AGAP1: variants seen among roughly 807,000 people sequenced by gnomAD.
The protein encoded by AGAP1 is arf-GAP with GTPase, ANK repeat and PH domain-containing protein 1.
In AGAP1, 29 loss-of-function variants were observed where a neutral mutation model predicts 105.3. The observed-to-expected ratio is 0.28, with a 90% CI of 0.21 to 0.38. The LOEUF (loss-of-function observed/expected upper bound fraction) is 0.38. Ranked by LOEUF, AGAP1 falls within the 10% of genes least tolerant of loss-of-function variation. The pLI is 1.00. For synonymous variants in AGAP1, 509 were observed against 485.9 expected (o/e 1.05, Z -0.63); for missense variants, 998 against 1,165.1 (o/e 0.86, Z 2.09).
chr2:235,581,792 G>A (rs930729993), intron 1 of AGAP1, among the ~76,000 whole-genome samples: 2 of 152,070 alleles, frequency 1.3e-5, no homozygotes, highest in Non-Finnish European at 2.9e-5. Context: ...GCAACAGAGC[G>A]AGATTCCATC....
At chr2:235,809,843 T>G (rs191677538) in intron 9 of AGAP1, among the ~76,000 whole-genome samples, 118 of 152,276 alleles carry the variant, frequency 7.7e-4, no homozygotes, top group South Asian at 1.2e-3. Context: ...CTCAACCAAA[T>G]TATTTGTTGA....
chr2:235,699,437 A>G (rs1950152945), intron 1 of AGAP1, among the ~76,000 whole-genome samples: 1 of 152,068 alleles, frequency 6.6e-6, no homozygotes, highest in Non-Finnish European at 1.5e-5. Flanking sequence ...TATATACTAG[A>G]AGTTGAATTG....
intron 6 of AGAP1, chr2:235,773,780 C>A: frequency 2.7e-6 from 1 of 368,948 alleles, no homozygotes; most frequent in Non-Finnish European, 5.4e-6. Context: ...TTCGGAGAAT[C>A]ACAGTTTATC....
In AGAP1 at chr2:235,705,526, C is replaced by T. The variant is rs542757109; in HGVS notation, c.164-3653C>T. On this transcript the variant is annotated intron_variant, in intron 1 of 17. Coordinates refer to ENST00000304032, the MANE Select transcript of AGAP1 (RefSeq NM_001037131.3). The surrounding 1 kb of genome is among the most constrained non-coding windows in gnomAD (Gnocchi z 4.9). ...AGTGATGAACAATTCCACGCCAGCA[C>T]AGTGTCCAGCCCACAGATAGGTCCC... Among the ~76,000 whole-genome samples, 13 of 152,356 alleles carry T rather than the reference C, an allele frequency of 8.5e-5. No homozygotes were observed. The highest frequency in any genetic ancestry group is 3.1e-4 in the African/African-American group (13 of 41,592).
rs73118077 is a variant in AGAP1 at position 235,999,828 on chromosome 2, A to G, written c.1645+31205A>G. ...GATGCTTCCCTGAATGTTGGGGGTCAGGTCTGAGATGTGTCAAGCGGGGCA... is the reference window on the plus strand; with the variant it reads ...GATGCTTCCCTGAATGTTGGGGGTCGGGTCTGAGATGTGTCAAGCGGGGCA... On this transcript the variant is annotated intron_variant, in intron 13 of 17. Transcript: ENST00000304032. Among the ~76,000 whole-genome samples, 1,447 of 152,164 alleles carry G rather than the reference A, an allele frequency of 9.5e-3. 31 individuals are homozygous for G. The highest frequency in any genetic ancestry group is 0.033 in the African/African-American group (1,377 of 41,474).
At chr2:235,899,768 G>A (rs982403022) in intron 10 of AGAP1, among the ~76,000 whole-genome samples, 5 of 151,792 alleles carry the variant, frequency 3.3e-5, no homozygotes, top group African/African-American at 1.2e-4. Flanking sequence ...TGACTGTGTA[G>A]AGACAAGCAG....
intron 1 of AGAP1, among the ~76,000 whole-genome samples, chr2:235,518,518 CA>C (rs1055934871): frequency 5.9e-5 from 9 of 152,176 alleles, no homozygotes; most frequent in African/African-American, 2.2e-4. Context: ...CTGTTTCTGA[CA>C]AAGAGCCAGG....
At position 236,087,415 on chromosome 2, in the gene AGAP1, AC is replaced by A. The variant is rs1247033195; in HGVS notation, c.2115-32775del. Among the ~76,000 whole-genome samples the A allele has an allele frequency of 6.6e-6, 1 of 152,108 alleles. No individual in the cohort carries two copies. The highest frequency in any genetic ancestry group is 2.4e-5 in the African/African-American group (1 of 41,408). On this transcript the variant is annotated intron_variant, in intron 16 of 17. Coordinates refer to ENST00000304032, the MANE Select transcript of AGAP1 (RefSeq NM_001037131.3). This position sits in a 1 kb window ranked among gnomAD's most constrained non-coding sequence, Gnocchi z 5.7. ...ACAACCTCGTCTTGCAGGATCATTT[AC>A]CTTTTATATTATGACCTAGCCACTT...
chr2:235,797,133 G>A (rs564211144), intron 6 of AGAP1, among the ~76,000 whole-genome samples: 2 of 150,988 alleles, frequency 1.3e-5, no homozygotes, highest in Middle Eastern at 3.4e-3. Flanking sequence ...GGCTTTGGGG[G>A]AAAAAAAAAG....
intron 1 of AGAP1, among the ~76,000 whole-genome samples, chr2:235,683,315 C>CA (rs2149406287): frequency 6.6e-6 from 1 of 151,870 alleles, no homozygotes; most frequent in East Asian, 1.9e-4. Context: ...CAAACAACAA[C>CA]AAAAAAGACA....
chr2:236,098,344 G>A (rs2059246691), intron 16 of AGAP1, among the ~76,000 whole-genome samples: 1 of 152,062 alleles, frequency 6.6e-6, no homozygotes, highest in Admixed American at 6.6e-5. Flanking sequence ...TTGGGAGGCT[G>A]ACAGGGAACA....
At position 235,980,653 on chromosome 2, in the gene AGAP1, G is replaced by A. The variant is rs144863022; in HGVS notation, c.1645+12030G>A. On this transcript the variant is annotated intron_variant, in intron 13 of 17. Coordinates refer to ENST00000304032, the MANE Select transcript of AGAP1 (RefSeq NM_001037131.3). The stretch of plus-strand genomic sequence containing the variant: ...GATCTGGCGGTTAGTTTCCATCTTG[G>A]CATAAAAGCATTAATTATCTAAAGA... 5.5e-3 allele frequency among the ~76,000 whole-genome samples: 833 copies of A among 152,276 alleles called. 12 individuals are homozygous for A. Among genetic ancestry groups the A allele is most frequent in the African/African-American group, 0.019 (773 of 41,556 alleles).
chr2:236,089,872 C>G lies in AGAP1; in HGVS notation c.2115-30320C>G, dbSNP rs563304631. Among the ~76,000 whole-genome samples the G allele has an allele frequency of 3.2e-4, 48 of 152,160 alleles. No homozygotes were observed. Among genetic ancestry groups the G allele is most frequent in the African/African-American group, 8.2e-4 (34 of 41,508 alleles). On this transcript the variant is annotated intron_variant, in intron 16 of 17. Coordinates refer to ENST00000304032, the MANE Select transcript of AGAP1 (RefSeq NM_001037131.3). This position sits in a 1 kb window ranked among gnomAD's most constrained non-coding sequence, Gnocchi z 5.6. ...GCCTCATTTCTCATTGGTGGACTTT[C>G]TACTGTTAACCACCAAGAAATGACC...
At chr2:235,770,133 C>CTTTTTTTTTTTTTTTTTT (rs57008190) in intron 6 of AGAP1, among the ~76,000 whole-genome samples, 52 of 136,664 alleles carry the variant, frequency 3.8e-4, no homozygotes, top group Non-Finnish European at 5.4e-4. Context: ...TTCTTTGTTT[C>CTTTTTTTTTTTTTTTTTT]TTTTTTTTTT....
In AGAP1 at chr2:235,906,244, G is replaced by T. The variant is rs2051300704; in HGVS notation, c.1156-2494G>T. ...AGATGCACGCGTGCCAGGGTTTTCT[G>T]CCTGGATAGCCTGTCTGTCCTTTGC... On this transcript the variant is annotated intron_variant, in intron 10 of 17. Transcript: ENST00000304032. The surrounding 1 kb of genome is among the most constrained non-coding windows in gnomAD (Gnocchi z 5.3). Among the ~76,000 whole-genome samples the T allele has an allele frequency of 6.6e-6, 1 of 152,204 alleles. No homozygotes were observed. The highest frequency in any genetic ancestry group is 1.5e-5 in the Non-Finnish European group (1 of 68,034).
chr2:236,016,306 G>T (rs993606271), intron 13 of AGAP1, among the ~76,000 whole-genome samples: 28 of 148,032 alleles, frequency 1.9e-4, no homozygotes, highest in Admixed American at 6.8e-4. Flanking sequence ...TCTTTTCACC[G>T]TTTTTTAAAT....
rs1438198654 is a variant in AGAP1 at position 235,965,012 on chromosome 2, A to G, written c.1484-3450A>G. Among the ~76,000 whole-genome samples the G allele has an allele frequency of 6.6e-6, 1 of 152,216 alleles. No homozygotes were observed. Among genetic ancestry groups the G allele is most frequent in the Non-Finnish European group, 1.5e-5 (1 of 68,036 alleles). On this transcript the variant is annotated intron_variant, in intron 12 of 17. Coordinates refer to ENST00000304032, the MANE Select transcript of AGAP1 (RefSeq NM_001037131.3). The surrounding 1 kb of genome is among the most constrained non-coding windows in gnomAD (Gnocchi z 5.8). ...CCGCTCCCACCTCTGCAGTTCCACC[A>G]CAACCAAACTGTCATAGTGCAGGCT...
At position 235,683,862 on chromosome 2, in the gene AGAP1, G is replaced by A. The variant is rs1190010732; in HGVS notation, c.164-25317G>A. 3.8e-5 allele frequency among the ~76,000 whole-genome samples: 3 copies of A among 78,722 alleles called. No individual in the cohort carries two copies. The East Asian group carries it at 1.2e-3, about 30-fold the overall frequency. The allele number at this position is 78,722 out of a possible 152,430, so 51.6% of individuals were successfully genotyped here. A position where few individuals can be genotyped will look rare whatever the true frequency, so the allele number is the denominator to read the frequency against. ...ATCCCTCCCAAGCCCCCCGTCCCCC[G>A]CCCGGCCCCAGTGTGTGATGTTCCC... On this transcript the variant is annotated intron_variant, in intron 1 of 17. Transcript: ENST00000304032.
At position 235,968,351 on chromosome 2, in the gene AGAP1, G is replaced by A. The variant is rs75724766; in HGVS notation, c.1484-111G>A. 5,444 of 1,350,048 alleles carry A rather than the reference G, an allele frequency of 4.0e-3. 181 individuals carry two copies. In the African/African-American group the frequency reaches 0.073, roughly 18 times the overall value. The allele number at this position is 1,350,048 out of a possible 1,614,324, so 83.6% of individuals were successfully genotyped here. A position where few individuals can be genotyped will look rare whatever the true frequency, so the allele number is the denominator to read the frequency against. On this transcript the variant is annotated intron_variant, in intron 12 of 17. Coordinates refer to ENST00000304032, the MANE Select transcript of AGAP1 (RefSeq NM_001037131.3). ...TACAGTAATGGGATGTTATTTGCAG[G>A]GCCTGTGTGGTATGAGAGGAGCGTG...
Sources: allele counts gnomAD v4.1 joint callset (sites outside exome capture counted in the v4.1 genomes callset), GRCh38; gene constraint gnomAD v4.1.1; non-coding constraint Gnocchi (gnomAD v3.1); transcripts MANE v1.5; gene names NCBI Gene and HGNC (gene_info 2026-07-23, HGNC 2026-07-21).